The following PTPRD variants were observed in gnomAD, a reference collection of about 807,000 sequenced individuals.
PTPRD encodes protein tyrosine phosphatase receptor type D, also known as receptor-type tyrosine-protein phosphatase delta.
A neutral mutation model predicts 214.5 loss-of-function variants in PTPRD; 34 were observed. The observed-to-expected ratio is 0.16, with a 90% confidence interval of 0.12 to 0.21. The LOEUF (loss-of-function observed/expected upper bound fraction) is 0.21, where lower values mean the gene tolerates loss of function less well. PTPRD is among the 10% of genes least tolerant of loss of function. PTPRD has a pLI of 1.00. For missense variants in PTPRD, 2,545 were observed against 2,398.7 expected (o/e 1.06, Z -1.27); for synonymous variants, 1,128 against 845.7 (o/e 1.33, Z -5.79).
At chr9:9,543,024 G>A (rs2077968044) in intron 8 of PTPRD, among the ~76,000 whole-genome samples, 2 of 151,620 alleles carry the variant, frequency 1.3e-5, no homozygotes, top group Admixed American at 1.3e-4. Flanking sequence ...AAAATCTTGT[G>A]TGAGAATAAT....
chr9:9,126,442 C>T (rs767787310), intron 10 of PTPRD, among the ~76,000 whole-genome samples: 12 of 152,086 alleles, frequency 7.9e-5, no homozygotes, highest in Non-Finnish European at 5.9e-5. Context: ...TTAAGTGAAA[C>T]GACATACAAT....
chr9:8,341,752 G>C lies in PTPRD; in HGVS notation c.4888C>G (p.Gln1630Glu), dbSNP rs2132492889. 6.2e-7 allele frequency: 1 copy of C among 1,613,518 alleles called. No individual in the cohort carries two copies. Among genetic ancestry groups the C allele is most frequent in the Non-Finnish European group, 8.5e-7 (1 of 1,179,700 alleles). ...VPARNLYAYI[Q>E]KLTQIETGEN... ...CCCGTTTCTATTTGTGTCAGCTTCT[G>C]AATGTAGGCATACAAGTTTCTAGCT... is the stretch of plus-strand genomic sequence containing the variant. The change falls in exon 40 of 46, where the codon CAG becomes GAG. Residue 1630 changes from glutamine (Q) to glutamate (E), a missense_variant. Transcript: ENST00000381196.
At chr9:10,412,115 G>A (rs561973739) in intron 2 of PTPRD, among the ~76,000 whole-genome samples, 11 of 151,690 alleles carry the variant, frequency 7.3e-5, no homozygotes, top group African/African-American at 2.7e-4. Flanking sequence ...ACAGCCTGAG[G>A]GAAGATTTGA....
intron 4 of PTPRD, among the ~76,000 whole-genome samples, chr9:9,941,986 C>G (rs886475927): frequency 1.3e-5 from 2 of 152,120 alleles, no homozygotes; most frequent in Non-Finnish European, 2.9e-5. Context: ...AAAGCCCAGC[C>G]AAAAGTTCTA....
intron 12 of PTPRD, among the ~76,000 whole-genome samples, chr9:8,661,760 T>C (rs746364627): frequency 5.3e-5 from 8 of 152,222 alleles, no homozygotes; most frequent in African/African-American, 1.4e-4. Context: ...TCTCCAACCA[T>C]TGACACTTAT....
chr9:10,136,571 A>T (rs1448386806), intron 3 of PTPRD, among the ~76,000 whole-genome samples: 4 of 86,632 alleles, frequency 4.6e-5, no homozygotes, highest in East Asian at 7.7e-4. Flanking sequence ...AAAGATTTAA[A>T]CGTTAAACCT....
chr9:9,470,005 G>A (rs925899978), intron 8 of PTPRD, among the ~76,000 whole-genome samples: 2 of 152,114 alleles, frequency 1.3e-5, no homozygotes, highest in African/African-American at 4.8e-5. Flanking sequence ...AATGAATACT[G>A]GGGTGGATGA....
rs550359810 is a variant in PTPRD, at chr9:9,815,797, A to C, written c.-367-48946T>G. Among the ~76,000 whole-genome samples the C allele has an allele frequency of 5.3e-5, 8 of 152,276 alleles. No individual in the cohort carries two copies. The South Asian group carries it at 1.7e-3, about 32-fold the overall frequency. ...TGTTGGTCAAAGAGTCCAGACTTAT[A>C]AGACGAATAAGTTCTGGGGATTTAA... On this transcript the variant is annotated intron_variant, in intron 5 of 45. Transcript: ENST00000381196.
At position 8,521,498 on chromosome 9, in the gene PTPRD, A is replaced by G; in HGVS notation, c.740T>C (p.Ile247Thr). 6.2e-7 allele frequency: 1 copy of G among 1,613,948 alleles called. No individual in the cohort carries two copies. Among genetic ancestry groups the G allele is most frequent in the Non-Finnish European group, 8.5e-7 (1 of 1,179,908 alleles). Reference protein sequence around the residue: ...RFSIPPTNHEIMPGGSVNITC... With the variant: ...RFSIPPTNHETMPGGSVNITC... ...GATATTAACGCTTCCGCCTGGCATG[A>G]TTTCATGATTAGTGGGTGGGATAGA... Residue 247 changes from isoleucine (I) to threonine (T), a missense_variant, in exon 20 of 46, where the codon ATC becomes ACC. Coordinates refer to ENST00000381196, the MANE Select transcript of PTPRD (RefSeq NM_002839.4).
chr9:10,119,930 C>G (rs1387524330), intron 3 of PTPRD, among the ~76,000 whole-genome samples: 2 of 151,896 alleles, frequency 1.3e-5, no homozygotes, highest in Non-Finnish European at 1.5e-5. Flanking sequence ...CATTTTGGCC[C>G]ACTTCAAAGT....
intron 5 of PTPRD, among the ~76,000 whole-genome samples, chr9:9,820,738 A>G (rs1415896230): frequency 6.6e-6 from 1 of 152,130 alleles, no homozygotes; most frequent in Non-Finnish European, 1.5e-5. Context: ...TTAAATAGGC[A>G]GTCCCTTCCC....
intron 7 of PTPRD, among the ~76,000 whole-genome samples, chr9:9,614,329 T>C (rs2094720893): frequency 6.6e-6 from 1 of 152,156 alleles, no homozygotes; most frequent in South Asian, 2.1e-4. Flanking sequence ...TTGCAAAGAT[T>C]CTTACTTTTT....
At chr9:8,925,837 T>C (rs12343681) in intron 11 of PTPRD, among the ~76,000 whole-genome samples, 18,781 of 148,998 alleles carry the variant, frequency 0.13, 1,576 homozygotes, top group South Asian at 0.18. Flanking sequence ...CTCCTCAATT[T>C]GTCAGCTGGA....
chr9:9,609,675 C>G (rs575666433), intron 7 of PTPRD, among the ~76,000 whole-genome samples: 2 of 152,270 alleles, frequency 1.3e-5, no homozygotes, highest in South Asian at 4.2e-4. Context: ...GTTGGCCAGG[C>G]TGGTCTGGAT....
chr9:9,794,296 T>G (rs943148754), intron 5 of PTPRD, among the ~76,000 whole-genome samples: 1 of 151,752 alleles, frequency 6.6e-6, no homozygotes, highest in Admixed American at 6.6e-5. Flanking sequence ...ATGTTGACCA[T>G]GGAAGGTGTT....
chr9:9,730,524 T>A (rs2098170052), intron 7 of PTPRD, among the ~76,000 whole-genome samples: 1 of 152,150 alleles, frequency 6.6e-6, no homozygotes, highest in Non-Finnish European at 1.5e-5. Flanking sequence ...TATCTCTGAA[T>A]TTTTCTCAAT....
At chr9:10,353,419 A>G (rs534387879) in intron 2 of PTPRD, among the ~76,000 whole-genome samples, 30 of 152,132 alleles carry the variant, frequency 2.0e-4, no homozygotes, top group Non-Finnish European at 3.5e-4. Flanking sequence ...TCAGTCATCA[A>G]TATTAATTGA....
chr9:8,625,270 T>C (rs1481574030), intron 14 of PTPRD, among the ~76,000 whole-genome samples: 3 of 151,890 alleles, frequency 2.0e-5, no homozygotes, highest in Non-Finnish European at 2.9e-5. Flanking sequence ...TGTATAAATA[T>C]TGATAGTTAA....
At chr9:9,057,230 A>G (rs1442048690) in intron 10 of PTPRD, among the ~76,000 whole-genome samples, 2 of 152,190 alleles carry the variant, frequency 1.3e-5, no homozygotes, top group African/African-American at 4.8e-5. Context: ...CATTCAAAAG[A>G]TTACTCTGCC....
Sources: gnomAD v4.1 joint callset for allele counts (sites outside exome capture counted in the v4.1 genomes callset) on GRCh38, gnomAD v4.1.1 for gene constraint, MANE v1.5 for transcripts, NCBI Gene and HGNC (gene_info 2026-07-23, HGNC 2026-07-21) for gene names.